CWF19L2: variants seen among roughly 807,000 people sequenced by gnomAD.
The protein encoded by CWF19L2 is CWF19-like protein 2.
A neutral mutation model predicts 111.7 loss-of-function variants in CWF19L2; 98 were observed. The observed-to-expected ratio is 0.88, with a 90% CI of 0.75 to 1.04. The LOEUF is 1.04. Ranked by LOEUF, CWF19L2 falls within the 50% of genes least tolerant of loss-of-function variation. The probability of loss-of-function intolerance (pLI) is 0.00; values close to 1 mark genes in which losing one functional copy is unlikely to be tolerated. For synonymous variants in CWF19L2, 351 were observed against 342.9 expected (o/e 1.02, Z -0.26); for missense variants, 1,101 against 1,051.4 (o/e 1.05, Z -0.65).
At chr11:107,354,543 T>C (rs192978290) in intron 12 of CWF19L2, among the ~76,000 whole-genome samples, 1 of 152,212 alleles carries the variant, frequency 6.6e-6, no homozygotes, top group East Asian at 1.9e-4. Context: ...AATATTTGCA[T>C]ATATATAGTA....
chr11:107,426,673 A>C (rs1408180249), intron 8 of CWF19L2, among the ~76,000 whole-genome samples: 5 of 151,894 alleles, frequency 3.3e-5, no homozygotes, highest in Non-Finnish European at 7.4e-5. Context: ...GGCTAAAGTA[A>C]AAAGATCTTT....
intron 12 of CWF19L2, among the ~76,000 whole-genome samples, chr11:107,356,034 C>A (rs1352283068): frequency 1.3e-5 from 2 of 152,128 alleles, no homozygotes; most frequent in East Asian, 3.8e-4. Flanking sequence ...AAAGTATGTT[C>A]TCTGAACACA....
rs754433606 is a variant in CWF19L2 at position 107,329,974 on chromosome 11, C to A, written c.2485G>T (p.Gly829Ter). ...TCTTCAATGACATGGGCAAACCCTC[C>A]GTGAAGGCCAAAATCCACAGAGAAG... ...PYFSVDFGLHGGFAHVIEDQH... is the reference protein window; with the variant it reads ...PYFSVDFGLH The change falls in exon 17 of 18, where the codon GGA (glycine) becomes TGA (stop). Residue 829 changes from glycine (G) to a stop codon, truncating the protein, a stop_gained. Coordinates refer to ENST00000282251, the MANE Select transcript of CWF19L2 (RefSeq NM_152434.3). LOFTEE classifies it high-confidence loss of function. The A allele has an allele frequency of 3.8e-6, 6 of 1,590,430 alleles. No homozygotes were observed. The highest frequency in any genetic ancestry group is 1.3e-5 in the African/African-American group (1 of 74,392).
chr11:107,423,345 G>A (rs145685642), intron 8 of CWF19L2, among the ~76,000 whole-genome samples: 2 of 151,904 alleles, frequency 1.3e-5, no homozygotes, highest in East Asian at 3.9e-4. Flanking sequence ...TGTTTATTAT[G>A]TGGAATTATA....
chr11:107,416,968 T>C (rs533786569), intron 9 of CWF19L2, among the ~76,000 whole-genome samples: 10 of 152,344 alleles, frequency 6.6e-5, no homozygotes, highest in African/African-American at 2.4e-4. Flanking sequence ...TTACTGTTGT[T>C]GGTTTACTTC....
At chr11:107,335,763 ATTG>A (rs1286609736) in intron 15 of CWF19L2, among the ~76,000 whole-genome samples, 3 of 152,206 alleles carry the variant, frequency 2.0e-5, no homozygotes, top group Admixed American at 6.5e-5. Context: ...TTTTTACAGT[ATTG>A]TTATTAATGA....
chr11:107,416,821 A>G (rs1200645884), intron 9 of CWF19L2, among the ~76,000 whole-genome samples: 1 of 152,250 alleles, frequency 6.6e-6, no homozygotes, highest in Non-Finnish European at 1.5e-5. Context: ...ACATGCAAAG[A>G]ATAGCAAGCA....
chr11:107,381,449 G>A (rs1041818520), intron 12 of CWF19L2, among the ~76,000 whole-genome samples: 13 of 151,992 alleles, frequency 8.6e-5, no homozygotes, highest in South Asian at 2.1e-4. Flanking sequence ...TATCTTATTC[G>A]GTTCTACAAA....
chr11:107,350,360 AC>A (rs1860139705), intron 13 of CWF19L2, among the ~76,000 whole-genome samples: 1 of 152,128 alleles, frequency 6.6e-6, no homozygotes, highest in South Asian at 2.1e-4. Flanking sequence ...AAATCTTAAC[AC>A]CCAAGGTGAT....
At chr11:107,445,837 C>A (rs2135425216) in intron 3 of CWF19L2, among the ~76,000 whole-genome samples, 1 of 152,318 alleles carries the variant, frequency 6.6e-6, no homozygotes, top group East Asian at 1.9e-4. Context: ...TTCCTACCAA[C>A]AGAATCCCAT....
chr11:107,342,613 G>T (rs1317539020), intron 14 of CWF19L2, among the ~76,000 whole-genome samples: 1 of 152,056 alleles, frequency 6.6e-6, no homozygotes, highest in East Asian at 1.9e-4. Context: ...TTCTAATATT[G>T]TTAAGTGGAG....
intron 12 of CWF19L2, among the ~76,000 whole-genome samples, chr11:107,365,860 A>G (rs1383531262): frequency 1.4e-5 from 2 of 140,844 alleles, no homozygotes; most frequent in Non-Finnish European, 3.1e-5. Flanking sequence ...AAGGGTATTC[A>G]ATTAGGAAAA....
intron 10 of CWF19L2, among the ~76,000 whole-genome samples, chr11:107,408,232 GA>G (rs2135391152): frequency 6.6e-6 from 1 of 151,986 alleles, no homozygotes; most frequent in South Asian, 2.1e-4. Flanking sequence ...TTTCCTGAAA[GA>G]AAGCTTTTAT....
intron 3 of CWF19L2, among the ~76,000 whole-genome samples, chr11:107,450,101 G>GAA (rs555626019): frequency 8.4e-6 from 1 of 119,604 alleles, no homozygotes. Context: ...TCCATCTCAA[G>GAA]AAAAAAAAAA....
At chr11:107,448,659 C>G (rs746604298) in intron 3 of CWF19L2, among the ~76,000 whole-genome samples, 1 of 152,098 alleles carries the variant, frequency 6.6e-6, no homozygotes, top group Non-Finnish European at 1.5e-5. Flanking sequence ...ATGTTGAGAT[C>G]CTGACTCCCA....
chr11:107,427,921 T>C (rs979258451), intron 8 of CWF19L2, among the ~76,000 whole-genome samples: 2 of 152,130 alleles, frequency 1.3e-5, no homozygotes, highest in African/African-American at 2.4e-5. Flanking sequence ...CTGCTTCAGA[T>C]GGAGTCATTA....
At chr11:107,454,327 A>G in intron 3 of CWF19L2, 123 bp downstream of exon 3, 1 of 735,960 alleles carries the variant, frequency 1.4e-6, no homozygotes, top group Non-Finnish European at 1.9e-6. Context: ...TATCCCAGAT[A>G]TTTTCATATC....
At chr11:107,423,812 C>G (rs972927202) in intron 8 of CWF19L2, among the ~76,000 whole-genome samples, 1 of 151,836 alleles carries the variant, frequency 6.6e-6, no homozygotes, top group African/African-American at 2.4e-5. Context: ...GAATTAAAGA[C>G]CAAGCCATCC....
rs75684178 is a variant in CWF19L2 at position 107,387,358 on chromosome 11, T to C, written c.1872+2716A>G. Among the ~76,000 whole-genome samples, 1,356 of 151,866 alleles carry C rather than the reference T, an allele frequency of 8.9e-3. 15 individuals are homozygous for C. Among genetic ancestry groups the C allele is most frequent in the Non-Finnish European group, 0.014 (967 of 67,982 alleles). On this transcript the variant is annotated intron_variant, in intron 12 of 17. Coordinates refer to ENST00000282251, the MANE Select transcript of CWF19L2 (RefSeq NM_152434.3). ...CTTCTAAGTGATCTCCTGCTTCCAC[T>C]AATGCCTCTCTACACTGCCTTCTCA...
Sources: allele counts gnomAD v4.1 joint callset (sites outside exome capture counted in the v4.1 genomes callset), GRCh38; gene constraint gnomAD v4.1.1; transcripts MANE v1.5; gene names NCBI Gene and HGNC (gene_info 2026-07-23, HGNC 2026-07-21).